Variants in CHRNA7 observed in about 807,000 individuals in gnomAD.
CHRNA7 encodes the protein cholinergic receptor nicotinic alpha 7 subunit.
In CHRNA7, 17 loss-of-function variants were observed where a neutral mutation model predicts 48.0. That is an observed-to-expected ratio of 0.35 (90% CI 0.24 to 0.53). The LOEUF (loss-of-function observed/expected upper bound fraction) is 0.53, where lower values mean the gene tolerates loss of function less well. Among genes scored for constraint, CHRNA7 ranks in the 20% least tolerant of loss-of-function variants. The pLI is 0.92. For synonymous variants in CHRNA7, 75 were observed against 242.3 expected (o/e 0.31, Z 6.41); for missense variants, 155 against 577.7 (o/e 0.27, Z 7.50).
At chr15:32,150,030 TTTA>T (rs1320465981) in intron 4 of CHRNA7, among the ~76,000 whole-genome samples, 1 of 152,132 alleles carries the variant, frequency 6.6e-6, no homozygotes, top group Admixed American at 6.5e-5. Flanking sequence ...TTAATTTATT[TTTA>T]TTTCAAAAAT....
intron 2 of CHRNA7, among the ~76,000 whole-genome samples, chr15:32,067,161 T>G (rs985322815): frequency 6.6e-6 from 1 of 152,148 alleles, no homozygotes; most frequent in Non-Finnish European, 1.5e-5. Flanking sequence ...AAAACATTGA[T>G]GTACACATCC....
intron 2 of CHRNA7, among the ~76,000 whole-genome samples, chr15:32,064,018 C>T (rs1296293996): frequency 6.6e-6 from 1 of 152,174 alleles, no homozygotes; most frequent in African/African-American, 2.4e-5. Context: ...TTTACCCTTA[C>T]ACTTGATGAA....
chr15:32,119,929 A>C (rs1279252673), intron 4 of CHRNA7, among the ~76,000 whole-genome samples: 2 of 152,098 alleles, frequency 1.3e-5, no homozygotes, highest in Admixed American at 6.5e-5. Flanking sequence ...GCTGACTGTT[A>C]ATGCTGTCTG....
intron 2 of CHRNA7, among the ~76,000 whole-genome samples, chr15:32,037,049 T>C (rs1302825888): frequency 1.2e-4 from 19 of 152,086 alleles, no homozygotes; most frequent in Admixed American, 1.2e-3. Flanking sequence ...CTTCTAGGAG[T>C]TTTATAGTTT....
rs2050767368 is a variant in CHRNA7 at position 32,111,857 on chromosome 15, C to T, written c.308C>T (p.Pro103Leu). The T allele has an allele frequency of 6.2e-7, 1 of 1,613,606 alleles. No individual in the cohort carries two copies. Among genetic ancestry groups the T allele is most frequent in the Non-Finnish European group, 8.5e-7 (1 of 1,179,496 alleles). ...CCAGGGGTGAAGACTGTTCGTTTCC[C>T]AGATGGCCAGATTTGGAAACCAGAC... is the stretch of plus-strand genomic sequence containing the variant. ...EYPGVKTVRFPDGQIWKPDIL... is the reference protein window; with the variant it reads ...EYPGVKTVRFLDGQIWKPDIL... Residue 103 changes from proline to leucine, a missense_variant, in exon 4 of 10, where the codon CCA (proline) becomes CTA (leucine). Transcript: ENST00000306901.
intron 2 of CHRNA7, among the ~76,000 whole-genome samples, chr15:32,051,546 G>A (rs868250190): frequency 7.4e-5 from 11 of 149,194 alleles, no homozygotes; most frequent in African/African-American, 1.7e-4. Context: ...TCCAGGTGCC[G>A]TCTGTCACCC....
intron 2 of CHRNA7, among the ~76,000 whole-genome samples, chr15:32,048,705 C>G (rs2049603556): frequency 6.6e-6 from 1 of 151,956 alleles, no homozygotes; most frequent in Non-Finnish European, 1.5e-5. Context: ...TTCTTGCCTT[C>G]TGCTAGCTTT....
At chr15:32,104,074 C>T (rs540446990) in intron 3 of CHRNA7, among the ~76,000 whole-genome samples, 14 of 152,238 alleles carry the variant, frequency 9.2e-5, no homozygotes, top group Non-Finnish European at 2.1e-4. Context: ...TAGCAGCCAG[C>T]ATATACCTTC....
intron 4 of CHRNA7, among the ~76,000 whole-genome samples, chr15:32,137,881 A>G (rs1338805462): frequency 6.6e-6 from 1 of 152,226 alleles, no homozygotes; most frequent in Non-Finnish European, 1.5e-5. Flanking sequence ...TGTCCTCCTC[A>G]GTATTTACCC....
intron 4 of CHRNA7, among the ~76,000 whole-genome samples, chr15:32,150,955 G>GA (rs1176085742): frequency 6.6e-6 from 1 of 151,950 alleles, no homozygotes; most frequent in East Asian, 1.9e-4. Context: ...AAGGGGGGGG[G>GA]ATGTGTCCTT....
intron 4 of CHRNA7, among the ~76,000 whole-genome samples, chr15:32,151,813 G>A (rs1472113281): frequency 6.6e-6 from 1 of 151,806 alleles, no homozygotes; most frequent in Non-Finnish European, 1.5e-5. Context: ...TTTTTGGTGT[G>A]TATCCTCCAC....
At chr15:32,113,797 A>G (rs1443765959) in intron 4 of CHRNA7, among the ~76,000 whole-genome samples, 1 of 151,910 alleles carries the variant, frequency 6.6e-6, no homozygotes, top group Non-Finnish European at 1.5e-5. Flanking sequence ...TAAGTTTGAA[A>G]TCAAGAATAA....
intron 2 of CHRNA7, among the ~76,000 whole-genome samples, chr15:32,078,308 T>C (rs909346661): frequency 6.6e-6 from 1 of 152,164 alleles, no homozygotes; most frequent in Admixed American, 6.6e-5. Flanking sequence ...ACCAAAGTCA[T>C]GTAGGTTTTC....
chr15:32,088,457 G>A (rs2050333314), intron 2 of CHRNA7, among the ~76,000 whole-genome samples: 1 of 152,168 alleles, frequency 6.6e-6, no homozygotes, highest in African/African-American at 2.4e-5. Context: ...TAGGAATATA[G>A]TTGTTGTATC....
At chr15:32,071,217 C>T (rs1434054464) in intron 2 of CHRNA7, among the ~76,000 whole-genome samples, 2 of 152,084 alleles carry the variant, frequency 1.3e-5, no homozygotes, top group Non-Finnish European at 2.9e-5. Flanking sequence ...GGGATGATTG[C>T]TTATATTCCT....
intron 2 of CHRNA7, among the ~76,000 whole-genome samples, chr15:32,045,428 G>T (rs182322227): frequency 6.6e-6 from 1 of 152,312 alleles, no homozygotes; most frequent in African/African-American, 2.4e-5. Flanking sequence ...GGATTGAGAA[G>T]ATACGAAGAT....
intron 3 of CHRNA7, chr15:32,111,144 G>A (rs12915695): frequency 0.25 from 38,723 of 152,100 alleles, 5,861 homozygotes; most frequent in Middle Eastern, 0.43. Flanking sequence ...AAAGTCACTC[G>A]ATAACCTCAA....
At chr15:32,101,449 A>AG in intron 3 of CHRNA7, 102 bp downstream of exon 3, 4 of 1,320,170 alleles carry the variant, frequency 3.0e-6, no homozygotes, top group Non-Finnish European at 4.2e-6. Flanking sequence ...GGTCCTGTTT[A>AG]GGAAAAAAAA....
intron 2 of CHRNA7, among the ~76,000 whole-genome samples, chr15:32,072,436 A>G (rs2050072604): frequency 1.3e-5 from 2 of 152,226 alleles, no homozygotes; most frequent in Admixed American, 1.3e-4. Flanking sequence ...GGAGAGGACA[A>G]TAAGCAGATT....
Sources: allele counts gnomAD v4.1 joint callset (sites outside exome capture counted in the v4.1 genomes callset), GRCh38; gene constraint gnomAD v4.1.1; transcripts MANE v1.5; gene names NCBI Gene and HGNC (gene_info 2026-07-23, HGNC 2026-07-21).